PBX1: variants seen among roughly 807,000 people sequenced by gnomAD.
The protein encoded by PBX1 is PBX homeobox 1.
PBX1 carries 6 observed loss-of-function variants against 53.4 expected under a neutral mutation model. The ratio of observed to expected loss-of-function variants is 0.11; its 90% confidence interval spans 0.06 to 0.22. The LOEUF (loss-of-function observed/expected upper bound fraction) is 0.22, where lower values mean the gene tolerates loss of function less well. PBX1 is among the 10% of genes least tolerant of loss of function. PBX1 has a pLI of 1.00. For synonymous variants in PBX1, 204 were observed against 212.3 expected (o/e 0.96, Z 0.34); for missense variants, 251 against 551.4 (o/e 0.46, Z 5.46).
intron 2 of PBX1, among the ~76,000 whole-genome samples, chr1:164,638,237 C>T (rs552630129): frequency 6.6e-6 from 1 of 152,066 alleles, no homozygotes; most frequent in East Asian, 1.9e-4. Context: ...TGCGCCTCTT[C>T]CTGTTTGGTC....
chr1:164,873,602 G>C (rs1035168827), intron 2 of PBX1, among the ~76,000 whole-genome samples: 1 of 152,184 alleles, frequency 6.6e-6, no homozygotes, highest in East Asian at 1.9e-4. Context: ...CTGGGAGATG[G>C]GGGGCAGGGG....
At chr1:164,565,422 GACACACACACACACAC>G (rs36118857) in intron 2 of PBX1, among the ~76,000 whole-genome samples, 6 of 146,010 alleles carry the variant, frequency 4.1e-5, no homozygotes, top group African/African-American at 1.5e-4. Context: ...TGTGTTAAGG[GACACACACACACACAC>G]ACACACACAC....
chr1:164,710,367 T>C (rs1192368137), intron 2 of PBX1, among the ~76,000 whole-genome samples: 4 of 152,188 alleles, frequency 2.6e-5, no homozygotes, highest in African/African-American at 9.6e-5. Flanking sequence ...TTGAATATAT[T>C]GAGCGTGTAG....
At chr1:164,822,270 G>A (rs982355767) in intron 8 of PBX1, among the ~76,000 whole-genome samples, 1 of 152,058 alleles carries the variant, frequency 6.6e-6, no homozygotes, top group Non-Finnish European at 1.5e-5. Context: ...TGATTTCTCA[G>A]ATCAATCGTC....
chr1:164,807,300 C>T (rs556881349), intron 4 of PBX1, among the ~76,000 whole-genome samples: 1 of 152,256 alleles, frequency 6.6e-6, no homozygotes, highest in South Asian at 2.1e-4. Context: ...ACTTTATACT[C>T]CTCACTACTC....
intron 2 of PBX1, among the ~76,000 whole-genome samples, chr1:164,579,721 C>T (rs1031285709): frequency 6.6e-6 from 1 of 151,982 alleles, no homozygotes; most frequent in Non-Finnish European, 1.5e-5. Flanking sequence ...GTGCTCTGGG[C>T]CCCAGTAGTG....
intron 2 of PBX1, among the ~76,000 whole-genome samples, chr1:164,576,283 G>C (rs898453254): frequency 1.3e-5 from 2 of 152,218 alleles, no homozygotes; most frequent in East Asian, 3.9e-4. Flanking sequence ...AATTAGATTA[G>C]AGGAGAGGGC....
At chr1:164,637,542 G>A (rs570577068) in intron 2 of PBX1, among the ~76,000 whole-genome samples, 9 of 152,188 alleles carry the variant, frequency 5.9e-5, no homozygotes, top group Admixed American at 5.2e-4. Flanking sequence ...GTAGGGTGAG[G>A]GAGTCCTGTT....
At chr1:164,838,282 A>T (rs913927501) in intron 8 of PBX1, among the ~76,000 whole-genome samples, 3 of 152,174 alleles carry the variant, frequency 2.0e-5, no homozygotes, top group African/African-American at 7.2e-5. Context: ...TTGCCAGTGT[A>T]AGTTAAGCCA....
chr1:164,884,589 C>T, intron 2 of PBX1: 1 of 515,176 alleles, frequency 1.9e-6, no homozygotes, highest in Middle Eastern at 2.9e-4. Flanking sequence ...GTGGTGACAG[C>T]AAGTCCTCTT....
At chr1:164,674,867 A>G in intron 2 of PBX1, 1 of 21,060 alleles carries the variant, frequency 4.7e-5, no homozygotes, top group Admixed American at 5.3e-4. Context: ...CCCCCCACCC[A>G]CCACCAAGAG....
intron 7 of PBX1, among the ~76,000 whole-genome samples, chr1:164,820,533 C>G (rs937369830): frequency 6.6e-6 from 1 of 152,124 alleles, no homozygotes; most frequent in Non-Finnish European, 1.5e-5. Flanking sequence ...TTCCAGGTCT[C>G]CCTCTCATGT....
At chr1:164,615,664 C>T (rs187923285) in intron 2 of PBX1, among the ~76,000 whole-genome samples, 2 of 152,262 alleles carry the variant, frequency 1.3e-5, no homozygotes, top group African/African-American at 4.8e-5. Flanking sequence ...AATCGCTAAA[C>T]GTGGCCAAAG....
At chr1:164,673,392 C>T (rs2101977288) in intron 2 of PBX1, among the ~76,000 whole-genome samples, 1 of 151,702 alleles carries the variant, frequency 6.6e-6, no homozygotes, top group Middle Eastern at 3.4e-3. Context: ...GTCCAAGCTT[C>T]AGGGGCCACC....
chr1:164,751,582 T>C (rs745540683), intron 2 of PBX1, among the ~76,000 whole-genome samples: 3,464 of 118,450 alleles, frequency 0.029, 52 homozygotes, highest in African/African-American at 0.035. Context: ...ATTGCCCCCC[T>C]TTTTTTTTTT....
chr1:164,848,782 C>A lies in PBX1; in HGVS notation c.*2106C>A. The stretch of plus-strand genomic sequence containing the variant: ...CTGAGGGGTGAGAATGGGCAGCTAG[C>A]AAGAACATGGAAATTCTGCTTGGCA... On this transcript the variant is annotated 3_prime_UTR_variant, in exon 9 of 9. Coordinates refer to ENST00000420696, the MANE Select transcript of PBX1 (RefSeq NM_002585.4). 9.4e-7 allele frequency: 1 copy of A among 1,061,856 alleles called. No individual in the cohort carries two copies. Among genetic ancestry groups the A allele is most frequent in the Non-Finnish European group, 1.1e-6 (1 of 877,196 alleles). The allele number at this position is 1,061,856 out of a possible 1,614,324, so 65.8% of individuals were successfully genotyped here. A position where few individuals can be genotyped will look rare whatever the true frequency, so the allele number is the denominator to read the frequency against.
At chr1:164,634,422 A>G (rs997850348) in intron 2 of PBX1, among the ~76,000 whole-genome samples, 2 of 152,214 alleles carry the variant, frequency 1.3e-5, no homozygotes, top group Non-Finnish European at 2.9e-5. Context: ...CCTGGTCCTT[A>G]TCTCCTAAAG....
chr1:164,673,109 C>T (rs1661204406), intron 2 of PBX1, among the ~76,000 whole-genome samples: 1 of 152,154 alleles, frequency 6.6e-6, no homozygotes, highest in Admixed American at 6.5e-5. Flanking sequence ...TTCCAGCAAA[C>T]CTGTTTGAAC....
intron 5 of PBX1, among the ~76,000 whole-genome samples, chr1:164,810,884 G>A (rs1669575307): frequency 6.6e-6 from 1 of 151,948 alleles, no homozygotes; most frequent in Admixed American, 6.6e-5. Context: ...GAAAGGCTTG[G>A]CATTTCTGCT....
Sources: allele counts gnomAD v4.1 joint callset (sites outside exome capture counted in the v4.1 genomes callset), GRCh38; gene constraint gnomAD v4.1.1; transcripts MANE v1.5; gene names NCBI Gene and HGNC (gene_info 2026-07-23, HGNC 2026-07-21).